SGCG: variants seen among roughly 807,000 people sequenced by gnomAD.
SGCG encodes sarcoglycan gamma, also known as gamma-sarcoglycan.
A neutral mutation model predicts 29.3 loss-of-function variants in SGCG; 26 were observed. That is an observed-to-expected ratio of 0.89 (90% CI 0.65 to 1.23). The LOEUF (loss-of-function observed/expected upper bound fraction) is 1.23, where lower values mean the gene tolerates loss of function less well. Ranked by LOEUF, SGCG falls within the 50% of genes most tolerant of loss-of-function variation. The pLI is 0.00. For missense variants in SGCG, 353 were observed against 356.0 expected (o/e 0.99, Z 0.07); for synonymous variants, 145 against 129.7 (o/e 1.12, Z -0.80).
At chr13:23,272,878 T>G (rs567239958) in intron 4 of SGCG, among the ~76,000 whole-genome samples, 26 of 152,332 alleles carry the variant, frequency 1.7e-4, no homozygotes, top group African/African-American at 6.3e-4. Context: ...TTCATCATGG[T>G]TTTCAAGCTT....
chr13:23,243,541 T>G (rs972386860), intron 3 of SGCG: 1 of 152,244 alleles, frequency 6.6e-6, no homozygotes, highest in Non-Finnish European at 1.5e-5. Flanking sequence ...GAAAAGGGTT[T>G]GAAAGTGACT....
chr13:23,286,895 T>C lies in SGCG; in HGVS notation c.505+7417T>C, dbSNP rs554955625. Among the ~76,000 whole-genome samples, 5 of 152,324 alleles carry C rather than the reference T, an allele frequency of 3.3e-5. No individual in the cohort carries two copies. In the South Asian group the frequency reaches 1.0e-3, roughly 32 times the overall value. ...TATGAATTGTTTATTTCTGGAATTT[T>C]CCATTTAATATTTTAGGACGGTGGG... On this transcript the variant is annotated intron_variant, in intron 5 of 7. Coordinates refer to ENST00000218867, the MANE Select transcript of SGCG (RefSeq NM_000231.3).
chr13:23,281,921 A>G (rs1881320419), intron 5 of SGCG, among the ~76,000 whole-genome samples: 1 of 152,188 alleles, frequency 6.6e-6, no homozygotes, highest in South Asian at 2.1e-4. Context: ...GCTCTAGAAC[A>G]TGCTTTCAAG....
chr13:23,282,005 C>T (rs1223196528), intron 5 of SGCG, among the ~76,000 whole-genome samples: 1 of 152,218 alleles, frequency 6.6e-6, no homozygotes, highest in Non-Finnish European at 1.5e-5. Context: ...TTCTCCCAAA[C>T]TCCTCCTCTG....
At chr13:23,273,190 T>C (rs1231603050) in intron 4 of SGCG, among the ~76,000 whole-genome samples, 1 of 49,118 alleles carries the variant, frequency 2.0e-5, no homozygotes, top group Admixed American at 1.9e-4. Flanking sequence ...TTAGTTCTTT[T>C]TTTTTTTTTT....
intron 5 of SGCG, among the ~76,000 whole-genome samples, chr13:23,282,982 T>C (rs1056087651): frequency 6.6e-6 from 1 of 152,188 alleles, no homozygotes; most frequent in Non-Finnish European, 1.5e-5. Flanking sequence ...GTCTGAGAGA[T>C]AGTTTGTTAT....
chr13:23,231,311 G>A (rs1367236253), intron 2 of SGCG, among the ~76,000 whole-genome samples: 3 of 146,698 alleles, frequency 2.0e-5, no homozygotes, highest in African/African-American at 7.6e-5. Flanking sequence ...AATGAGCTGG[G>A]AATGAGTCCC....
intron 5 of SGCG, among the ~76,000 whole-genome samples, chr13:23,286,190 A>G (rs1028679605): frequency 6.6e-6 from 1 of 152,230 alleles, no homozygotes; most frequent in Non-Finnish European, 1.5e-5. Flanking sequence ...TATACTACAA[A>G]GATCTGTAGC....
At chr13:23,219,316 G>A (rs1378069624) in intron 2 of SGCG, among the ~76,000 whole-genome samples, 4 of 152,016 alleles carry the variant, frequency 2.6e-5, no homozygotes, top group Middle Eastern at 3.2e-3. Flanking sequence ...CAAAGTGCTG[G>A]GATTACAGGC....
intron 6 of SGCG, among the ~76,000 whole-genome samples, chr13:23,299,684 C>A (rs1223302640): frequency 6.6e-6 from 1 of 151,222 alleles, no homozygotes; most frequent in Non-Finnish European, 1.5e-5. Flanking sequence ...GACCTCCTGA[C>A]CTCGTGATCT....
intron 5 of SGCG, among the ~76,000 whole-genome samples, chr13:23,293,403 G>A (rs2137641193): frequency 6.6e-6 from 1 of 152,100 alleles, no homozygotes; most frequent in African/African-American, 2.4e-5. Context: ...ATTATTTCTT[G>A]GATAAGGGCT....
At chr13:23,250,756 G>A (rs1879933184) in intron 4 of SGCG, 39 bp downstream of exon 4, 1 of 1,157,104 alleles carries the variant, frequency 8.6e-7, no homozygotes, top group Non-Finnish European at 1.3e-6. Flanking sequence ...CATGCATGTT[G>A]TCCATGAATA....
the SGCG span, chr13:23,170,103 G>C: frequency 2.0e-4 from 31 of 152,300 alleles, no homozygotes; most frequent in Non-Finnish European, 3.5e-4. Flanking sequence ...AGCCTAATTG[G>C]CTTGGATTGA....
intron 4 of SGCG, among the ~76,000 whole-genome samples, chr13:23,252,364 A>G (rs144297688): frequency 2.0e-5 from 3 of 152,312 alleles, no homozygotes; most frequent in East Asian, 1.9e-4. Context: ...CTTAGAAGCT[A>G]TAAAAGTAGA....
intron 1 of SGCG, among the ~76,000 whole-genome samples, chr13:23,191,842 CAT>C (rs1877267919): frequency 6.6e-6 from 1 of 152,112 alleles, no homozygotes; most frequent in African/African-American, 2.4e-5. Context: ...TACGGATTAA[CAT>C]ATATGCTAGG....
intron 4 of SGCG, among the ~76,000 whole-genome samples, chr13:23,273,186 CTTTTT>C (rs10556974): frequency 1.4e-5 from 2 of 145,676 alleles, no homozygotes; most frequent in Non-Finnish European, 3.0e-5. Flanking sequence ...GAACTTAGTT[CTTTTT>C]TTTTTTTTTC....
chr13:23,168,058 G>C, the SGCG span, among the ~76,000 whole-genome samples: 1 of 152,030 alleles, frequency 6.6e-6, no homozygotes, highest in African/African-American at 2.4e-5. Flanking sequence ...TTTTTAAATT[G>C]GATTATTATA....
intron 6 of SGCG, among the ~76,000 whole-genome samples, chr13:23,310,238 C>T (rs546180229): frequency 1.4e-4 from 22 of 151,974 alleles, no homozygotes; most frequent in Non-Finnish European, 2.4e-4. Context: ...AGGCGCCCGC[C>T]ACCACACCCG....
At chr13:23,193,797 G>A (rs1877375699) in intron 1 of SGCG, among the ~76,000 whole-genome samples, 2 of 152,132 alleles carry the variant, frequency 1.3e-5, no homozygotes, top group South Asian at 2.1e-4. Context: ...AGTATTTAAA[G>A]ACATGATAAT....
Sources: gnomAD v4.1 joint callset for allele counts (sites outside exome capture counted in the v4.1 genomes callset) on GRCh38, gnomAD v4.1.1 for gene constraint, MANE v1.5 for transcripts, NCBI Gene and HGNC (gene_info 2026-07-23, HGNC 2026-07-21) for gene names.